SLC24A3: variants seen among roughly 807,000 people sequenced by gnomAD.
The protein encoded by SLC24A3 is solute carrier family 24 member 3, also known as sodium/potassium/calcium exchanger 3.
Under a neutral mutation model 75.8 loss-of-function variants are expected in SLC24A3, and 28 were observed. The ratio of observed to expected loss-of-function variants is 0.37; its 90% CI spans 0.27 to 0.51. The LOEUF (loss-of-function observed/expected upper bound fraction) is 0.51, where lower values mean the gene tolerates loss of function less well. Among genes scored for constraint, SLC24A3 ranks in the 20% least tolerant of loss-of-function variants. SLC24A3 has a pLI of 0.94. For missense variants in SLC24A3, 663 were observed against 847.8 expected, an observed-to-expected ratio of 0.78 and a Z score of 2.71; for synonymous variants, 372 against 334.1, an observed-to-expected ratio of 1.11 and a Z score of -1.24.
intron 6 of SLC24A3, among the ~76,000 whole-genome samples, chr20:19,615,835 A>T (rs1189191026): frequency 1.3e-5 from 2 of 151,682 alleles, no homozygotes; most frequent in Non-Finnish European, 2.9e-5. Context: ...CTTCCTGGGG[A>T]CTCTCAGACC....
chr20:19,353,227 A>G (rs922357382), intron 2 of SLC24A3, among the ~76,000 whole-genome samples: 1 of 152,198 alleles, frequency 6.6e-6, no homozygotes, highest in Non-Finnish European at 1.5e-5. Context: ...GACTGTATTT[A>G]TACAGTTGTA....
chr20:19,562,588 CG>C (rs758791611), intron 3 of SLC24A3, among the ~76,000 whole-genome samples: 1 of 152,144 alleles, frequency 6.6e-6, no homozygotes, highest in Non-Finnish European at 1.5e-5. Flanking sequence ...GTCATTGAAG[CG>C]TGAAGTTGAA....
intron 2 of SLC24A3, among the ~76,000 whole-genome samples, chr20:19,346,933 GA>G (rs1985442320): frequency 6.6e-6 from 1 of 152,102 alleles, no homozygotes; most frequent in African/African-American, 2.4e-5. Flanking sequence ...TAGGCTAATA[GA>G]ACAGGATAGA....
At chr20:19,328,799 G>A (rs1394618838) in intron 2 of SLC24A3, among the ~76,000 whole-genome samples, 1 of 152,218 alleles carries the variant, frequency 6.6e-6, no homozygotes, top group Non-Finnish European at 1.5e-5. Flanking sequence ...GATACCAAGG[G>A]GGGACTGGGA....
intron 1 of SLC24A3, among the ~76,000 whole-genome samples, chr20:19,235,283 C>T (rs1314541837): frequency 1.3e-5 from 2 of 152,206 alleles, no homozygotes; most frequent in Non-Finnish European, 2.9e-5. Context: ...CTGCCTATGC[C>T]CCTACCTAGT....
rs536118821 is a variant in SLC24A3 at position 19,311,473 on chromosome 20, G to A, written c.271+30386G>A. ...GTCCCAGCCCTCAGGGATCACATGC[G>A]GAAGGTAGTGGGGAGAGGAATCCAG... On this transcript the variant is annotated intron_variant, in intron 2 of 16. Coordinates refer to ENST00000328041, the MANE Select transcript of SLC24A3 (RefSeq NM_020689.4). Among the ~76,000 whole-genome samples the A allele has an allele frequency of 2.0e-3, 297 of 152,246 alleles. 1 individual carries two copies. The highest frequency in any genetic ancestry group is 6.6e-3 in the African/African-American group (275 of 41,542).
intron 15 of SLC24A3, among the ~76,000 whole-genome samples, chr20:19,708,719 T>C (rs2032956645): frequency 6.6e-6 from 1 of 152,230 alleles, no homozygotes; most frequent in South Asian, 2.1e-4. Context: ...GATAGGTAAC[T>C]TGGGGATAAT....
At chr20:19,411,640 G>A (rs937891372) in intron 2 of SLC24A3, among the ~76,000 whole-genome samples, 2 of 152,226 alleles carry the variant, frequency 1.3e-5, no homozygotes, top group African/African-American at 4.8e-5. Context: ...AAACAAATAT[G>A]GAGCAACAGG....
chr20:19,670,873 C>A (rs138821483), intron 8 of SLC24A3, among the ~76,000 whole-genome samples: 201 of 152,232 alleles, frequency 1.3e-3, no homozygotes, highest in Middle Eastern at 3.4e-3. Flanking sequence ...GGCAAGTGGG[C>A]AAGACCTGGG....
chr20:19,359,050 T>C (rs1167449256), intron 2 of SLC24A3, among the ~76,000 whole-genome samples: 1 of 152,252 alleles, frequency 6.6e-6, no homozygotes. Context: ...TTCCACCTTA[T>C]GCCTATAGTA....
intron 2 of SLC24A3, among the ~76,000 whole-genome samples, chr20:19,461,923 A>C: frequency 6.6e-6 from 1 of 152,298 alleles, no homozygotes. Flanking sequence ...GAGGTTAAGT[A>C]AAGTCTCTCA....
chr20:19,254,129 TCA>T (rs1982741775), intron 1 of SLC24A3, among the ~76,000 whole-genome samples: 1 of 152,192 alleles, frequency 6.6e-6, no homozygotes, highest in Non-Finnish European at 1.5e-5. Flanking sequence ...GAGGAAATAA[TCA>T]CGCCTGTGCC....
intron 2 of SLC24A3, among the ~76,000 whole-genome samples, chr20:19,506,578 A>C (rs941743391): frequency 6.6e-6 from 1 of 152,240 alleles, no homozygotes; most frequent in Non-Finnish European, 1.5e-5. Context: ...TTTGGGCCTC[A>C]GCTTACCCAT....
intron 3 of SLC24A3, among the ~76,000 whole-genome samples, chr20:19,528,400 C>T (rs1056764037): frequency 2.6e-5 from 4 of 152,158 alleles, no homozygotes; most frequent in Non-Finnish European, 4.4e-5. Context: ...TGCCCTTAAC[C>T]CATCCTTATT....
chr20:19,513,880 A>G (rs1324560314), intron 2 of SLC24A3, among the ~76,000 whole-genome samples: 1 of 152,092 alleles, frequency 6.6e-6, no homozygotes, highest in South Asian at 2.1e-4. Flanking sequence ...CATTACCTCT[A>G]CATAGTTATC....
rs889041601 is a variant in SLC24A3, at chr20:19,721,199, C to T, written c.*59C>T. 4.9e-5 allele frequency: 78 copies of T among 1,595,274 alleles called. No homozygotes were observed. Among genetic ancestry groups the T allele is most frequent in the Non-Finnish European group, 6.1e-5 (71 of 1,172,320 alleles). ...TTTTCTGTGCAATACGAGACCCGGC[C>T]GCACCCCGAGTCACACAGGCCCCCG... On this transcript the variant is annotated 3_prime_UTR_variant, in exon 17 of 17. Coordinates refer to ENST00000328041, the MANE Select transcript of SLC24A3 (RefSeq NM_020689.4).
At chr20:19,619,846 C>A (rs2031781570) in intron 6 of SLC24A3, among the ~76,000 whole-genome samples, 2 of 152,102 alleles carry the variant, frequency 1.3e-5, no homozygotes, top group South Asian at 2.1e-4. Context: ...TATGAGATGG[C>A]CGTGCGGGTA....
At chr20:19,573,014 A>G (rs1250911631) in intron 3 of SLC24A3, among the ~76,000 whole-genome samples, 1 of 152,242 alleles carries the variant, frequency 6.6e-6, no homozygotes, top group Non-Finnish European at 1.5e-5. Context: ...TTTAAGATTT[A>G]GAACAATTTC....
chr20:19,218,593 A>G (rs914745863), intron 1 of SLC24A3, among the ~76,000 whole-genome samples: 1 of 152,194 alleles, frequency 6.6e-6, no homozygotes, highest in Non-Finnish European at 1.5e-5. Flanking sequence ...ATAAACATAT[A>G]TAGATATGTC....
Sources: gnomAD v4.1 joint callset for allele counts (sites outside exome capture counted in the v4.1 genomes callset) on GRCh38, gnomAD v4.1.1 for gene constraint, MANE v1.5 for transcripts, NCBI Gene and HGNC (gene_info 2026-07-23, HGNC 2026-07-21) for gene names.